The following RPGR variants were observed in gnomAD, a reference collection of about 807,000 sequenced individuals.
The protein encoded by RPGR is retinitis pigmentosa GTPase regulator.
In RPGR, 10 loss-of-function variants were observed where a neutral mutation model predicts 56.3. The observed-to-expected ratio is 0.18, with a 90% CI of 0.11 to 0.30. The LOEUF (loss-of-function observed/expected upper bound fraction) is 0.30, where lower values mean the gene tolerates loss of function less well. RPGR is among the 10% of genes least tolerant of loss of function. The pLI, the probability that RPGR is intolerant of heterozygous loss-of-function variation, is 1.00. For missense variants in RPGR, 538 were observed against 590.9 expected (o/e 0.91, Z 0.93); for synonymous variants, 197 against 212.9 (o/e 0.93, Z 0.65).
chrX:38,277,929 A>G (rs1302880334), intron 15 of RPGR, among the ~76,000 whole-genome samples: 1 of 112,461 alleles, frequency 8.9e-6, no homozygotes, highest in African/African-American at 3.2e-5. Flanking sequence ...CCTTAATAGT[A>G]AACATTAGTG....
At chrX:38,304,907 A>G (rs754747737) in intron 7 of RPGR, 117 bp from the exon 8 acceptor site, 96 of 575,852 alleles carry the variant, frequency 1.7e-4, no homozygotes, top group South Asian at 9.6e-4. Context: ...GCCTCTGGGG[A>G]AAAAAAAACA....
chrX:38,327,059 T>TAAA (rs1232638719), intron 1 of RPGR: 17 of 262,692 alleles, frequency 6.5e-5, no homozygotes, highest in South Asian at 9.6e-5. Flanking sequence ...CTCCGTCTCA[T>TAAA]AAAAAAAAAA....
intron 17 of RPGR, chrX:38,274,974 T>C (rs943330996): frequency 1.2e-5 from 7 of 577,774 alleles, no homozygotes; most frequent in East Asian, 3.6e-5. Flanking sequence ...GTAAAAATTA[T>C]AGCATATATG....
At chrX:38,298,895 T>C in intron 10 of RPGR, 61 bp downstream of exon 10, 2 of 1,111,879 alleles carry the variant, frequency 1.8e-6, no homozygotes, top group Middle Eastern at 2.7e-4. Context: ...CAGATTTTTT[T>C]CTTCTAGTTT....
At chrX:38,309,618 A>C (rs1467600869) in intron 7 of RPGR, among the ~76,000 whole-genome samples, 1 of 112,505 alleles carries the variant, frequency 8.9e-6, no homozygotes. Flanking sequence ...ACCTGAGGTC[A>C]GGAGTTTGAG....
At chrX:38,294,575 C>T (rs975568418) in intron 11 of RPGR, among the ~76,000 whole-genome samples, 2 of 111,820 alleles carry the variant, frequency 1.8e-5, no homozygotes, top group Non-Finnish European at 3.8e-5. Context: ...GTCCAGGGCT[C>T]TCTTCTAAAC....
chrX:38,325,298 T>C (rs753608885), intron 1 of RPGR, among the ~76,000 whole-genome samples: 24 of 111,424 alleles, frequency 2.2e-4, no homozygotes, highest in Non-Finnish European at 4.1e-4. Flanking sequence ...ACTACCCATA[T>C]TGCCTAGCAC....
rs778085735 is a variant in RPGR at position 38,285,892 on chromosome X, TCCTCTCCTTCCC to T, written c.1905+1190_1905+1201del. ...TTCTCCTTCCTCCTCTCCTTCCTCT[TCCTCTCCTTCCC>T]CCTCTCCTTCCTCCCCTTCCACCTC... is the stretch of plus-strand genomic sequence containing the variant. On this transcript the variant is annotated intron_variant, in intron 15 of 18. Transcript: ENST00000642395. 5 of 1,173,671 alleles carry T rather than the reference TCCTCTCCTTCCC, an allele frequency of 4.3e-6. No homozygotes were observed. The highest frequency in any genetic ancestry group is 4.0e-5 in the African/African-American group (2 of 50,185).
chrX:38,285,759 C>T, intron 15 of RPGR: 1 of 1,211,073 alleles, frequency 8.3e-7, no homozygotes, highest in Non-Finnish European at 1.1e-6. Flanking sequence ...CCTCTCCATC[C>T]TGCCTTTCAT....
chrX:38,279,705 G>A (rs1601908476), intron 15 of RPGR, among the ~76,000 whole-genome samples: 1 of 85,479 alleles, frequency 1.2e-5, no homozygotes, highest in Middle Eastern at 6.5e-3. Flanking sequence ...TATGAGATAG[G>A]CACTTTTGTC....
At chrX:38,311,339 C>A (rs1192572919) in intron 6 of RPGR, among the ~76,000 whole-genome samples, 1 of 112,274 alleles carries the variant, frequency 8.9e-6, no homozygotes, top group Non-Finnish European at 1.9e-5. Context: ...TATTAATTTG[C>A]TTCTTTATTA....
rs1475941098 is a variant in RPGR, at chrX:38,304,642, C to G, written c.927G>C (p.Leu309Phe). 8.4e-7 allele frequency: 1 copy of G among 1,190,950 alleles called. No homozygotes were observed. The highest frequency in any genetic ancestry group is 1.8e-5 in the South Asian group (1 of 56,447). The change falls in exon 8 of 19, where the codon TTG (leucine) becomes TTC (phenylalanine). Residue 309 changes from leucine to phenylalanine, a missense_variant. Physicochemically the swap from Leu to Phe is conservative, Grantham distance 22. This residue lies in a region of RPGR where 181 missense variants were observed against 265.1 expected (regional missense o/e 0.68). Coordinates refer to ENST00000642395, the MANE Select transcript of RPGR (RefSeq NM_000328.3). ...AGAAATTCTAATCCATACCTGTTAT[C>G]AAAGCTGTGTGATTTTCTCCACAAG...
intron 18 of RPGR, among the ~76,000 whole-genome samples, chrX:38,271,380 A>C (rs2066838726): frequency 8.9e-6 from 1 of 112,110 alleles, no homozygotes; most frequent in African/African-American, 3.2e-5. Flanking sequence ...ATGTGCAGGT[A>C]ATCTCCCCAA....
rs1332184704 is a variant in RPGR at position 38,327,382 on chromosome X, G to A, written c.-15C>T. 8.5e-6 allele frequency: 10 copies of A among 1,182,440 alleles called. No homozygotes were observed. The highest frequency in any genetic ancestry group is 3.1e-5 in the East Asian group (1 of 32,273). ...GGCTCCCTCATGCCACGGGCAGTAC[G>A]GGCAGCCTGCGCCGGGGCCAGGAGG... On this transcript the variant is annotated 5_prime_UTR_variant, in exon 1 of 19. Transcript: ENST00000642395.
chrX:38,299,837 A>C (rs1021489337), intron 9 of RPGR, among the ~76,000 whole-genome samples: 8 of 111,846 alleles, frequency 7.2e-5, no homozygotes, highest in African/African-American at 2.6e-4. Context: ...TTTTAAATTT[A>C]TATATATTTT....
intron 16 of RPGR, chrX:38,276,510 A>C: frequency 9.9e-7 from 1 of 1,009,367 alleles, no homozygotes; most frequent in Non-Finnish European, 1.4e-6. Context: ...AGGCAACTGG[A>C]ATCTGTCCTC....
At chrX:38,285,279 T>C in intron 15 of RPGR, 1 of 1,023,442 alleles carries the variant, frequency 9.8e-7, no homozygotes, top group East Asian at 4.1e-5. Flanking sequence ...AATAATCTGA[T>C]ATGACCTTTT....
rs765929940 is a variant in RPGR at position 38,299,106 on chromosome X, A to C, written c.1095T>G (p.Ala365=). 22 of 1,211,752 alleles carry C rather than the reference A, an allele frequency of 1.8e-5. No individual in the cohort carries two copies. The Admixed American group carries it at 3.0e-4, about 17-fold the overall frequency. Residue 365 remains alanine, a synonymous_variant, in exon 10 of 19, where the codon GCT becomes GCG. Transcript: ENST00000642395. ...CTTTTGCCACACCACGATGAGGAGC[A>C]GCAAAAACTACCATGTGACATCCAC...
chrX:38,313,239 T>C (rs1473687083), intron 6 of RPGR, among the ~76,000 whole-genome samples: 1 of 111,567 alleles, frequency 9.0e-6, no homozygotes, highest in Non-Finnish European at 1.9e-5. Flanking sequence ...GAAATAATAT[T>C]TTTTCTTTCT....
Sources: allele counts gnomAD v4.1 joint callset (sites outside exome capture counted in the v4.1 genomes callset), GRCh38; gene constraint gnomAD v4.1.1; regional missense constraint gnomAD v4.1.1; transcripts MANE v1.5; gene names NCBI Gene and HGNC (gene_info 2026-07-23, HGNC 2026-07-21).